The following BRD10 variants were observed in gnomAD, a reference collection of about 807,000 sequenced individuals.
BRD10 encodes the protein bromodomain containing 10.
the BRD10 span, chr9:5,969,443 A>G: frequency 6.7e-7 from 1 of 1,482,966 alleles, no homozygotes; most frequent in Non-Finnish European, 9.0e-7. Flanking sequence ...AAGCCTAAAG[A>G]AATTTAACAA....
chr9:5,954,135 A>C, the BRD10 span: 2 of 1,109,712 alleles, frequency 1.8e-6, no homozygotes, highest in Non-Finnish European at 1.3e-6. Context: ...AATGCTGTTT[A>C]TAGCACTTCA....
the BRD10 span, among the ~76,000 whole-genome samples, chr9:5,959,255 C>A: frequency 1.9e-3 from 286 of 152,230 alleles, 1 homozygote; most frequent in African/African-American, 6.6e-3. Context: ...CTTCATCTTA[C>A]CCCTGCCAGC....
chr9:5,952,400 C>T, the BRD10 span, among the ~76,000 whole-genome samples: 2 of 152,146 alleles, frequency 1.3e-5, no homozygotes, highest in African/African-American at 4.8e-5. Context: ...CAATGCATAT[C>T]CTTGTGTACA....
chr9:5,900,658 C>T, the BRD10 span, among the ~76,000 whole-genome samples: 1 of 152,174 alleles, frequency 6.6e-6, no homozygotes, highest in East Asian at 1.9e-4. Flanking sequence ...TCCATTTGTC[C>T]ACAGAGAGGC....
At chr9:5,910,725 G>A in the BRD10 span, 1 of 152,226 alleles carries the variant, frequency 6.6e-6, no homozygotes, top group African/African-American at 2.4e-5. Context: ...AAAGAAATTA[G>A]AAAAGTGAGA....
At chr9:5,908,695 C>T in the BRD10 span, 1 of 1,613,884 alleles carries the variant, frequency 6.2e-7, no homozygotes, top group African/African-American at 1.3e-5. Flanking sequence ...TCACCACCAC[C>T]TTATTCACCT....
the BRD10 span, among the ~76,000 whole-genome samples, chr9:5,884,362 C>A: frequency 3.3e-5 from 5 of 152,298 alleles, no homozygotes; most frequent in South Asian, 6.2e-4. Context: ...TATTCCAGGC[C>A]CTGTGGCGCC....
At chr9:5,993,159 T>TA in the BRD10 span, among the ~76,000 whole-genome samples, 1 of 151,362 alleles carries the variant, frequency 6.6e-6, no homozygotes, top group Non-Finnish European at 1.5e-5. Flanking sequence ...CTACTAATAA[T>TA]AAAAAATTAG....
the BRD10 span, chr9:5,954,227 T>C: frequency 3.3e-6 from 2 of 612,934 alleles, no homozygotes; most frequent in East Asian, 5.6e-5. Flanking sequence ...ATAAAAATGA[T>C]GAATCAAAAC....
chr9:5,923,148 T>A, the BRD10 span: 1 of 1,614,036 alleles, frequency 6.2e-7, no homozygotes, highest in Non-Finnish European at 8.5e-7. Flanking sequence ...GCCTTCTTCC[T>A]TGGAGAAAGC....
chr9:5,948,686 T>C, the BRD10 span, among the ~76,000 whole-genome samples: 3 of 152,006 alleles, frequency 2.0e-5, no homozygotes, highest in Non-Finnish European at 4.4e-5. Context: ...TAGATTATAT[T>C]AAAAAGCAAA....
the BRD10 span, among the ~76,000 whole-genome samples, chr9:5,932,369 G>A: frequency 6.6e-6 from 1 of 151,906 alleles, no homozygotes; most frequent in Non-Finnish European, 1.5e-5. Context: ...AAGTTATACA[G>A]GGAAGTACAG....
At chr9:5,992,878 AC>A in the BRD10 span, among the ~76,000 whole-genome samples, 21 of 151,936 alleles carry the variant, frequency 1.4e-4, no homozygotes, top group African/African-American at 4.6e-4. Context: ...ACAAACTGAC[AC>A]CTACTCCCCT....
At chr9:5,918,658 T>G in the BRD10 span, among the ~76,000 whole-genome samples, 4 of 146,226 alleles carry the variant, frequency 2.7e-5, no homozygotes, top group East Asian at 7.8e-4. Flanking sequence ...TTTTTTTTTT[T>G]GCCATTAGTG....
chr9:5,949,350 T>C, the BRD10 span, among the ~76,000 whole-genome samples: 1 of 152,104 alleles, frequency 6.6e-6, no homozygotes, highest in South Asian at 2.1e-4. Flanking sequence ...AGAGCGAGAC[T>C]CCGTCTCAAA....
chr9:5,919,793 A>T, the BRD10 span: 3 of 1,613,756 alleles, frequency 1.9e-6, no homozygotes, highest in Admixed American at 3.3e-5. Flanking sequence ...AGATGGAGAG[A>T]GTGAAGAAAC....
chr9:5,961,233 A>T, the BRD10 span, among the ~76,000 whole-genome samples: 1 of 152,222 alleles, frequency 6.6e-6, no homozygotes, highest in African/African-American at 2.4e-5. Context: ...TATAATAAGT[A>T]TTACGAAGGA....
chr9:5,992,576 C>CT, the BRD10 span, among the ~76,000 whole-genome samples: 33 of 152,158 alleles, frequency 2.2e-4, no homozygotes, highest in African/African-American at 7.9e-4. Context: ...AAAATTCAAG[C>CT]TTTTTTTCTG....
chr9:5,997,343 T>C, the BRD10 span, among the ~76,000 whole-genome samples: 3 of 152,332 alleles, frequency 2.0e-5, no homozygotes, highest in African/African-American at 4.8e-5. Flanking sequence ...ATATTTCTTA[T>C]GCGAAGTGAA....
Sources: gnomAD v4.1 joint callset for allele counts (sites outside exome capture counted in the v4.1 genomes callset) on GRCh38, gnomAD v4.1.1 for gene constraint, MANE v1.5 for transcripts, NCBI Gene and HGNC (gene_info 2026-07-23, HGNC 2026-07-21) for gene names.